The following CWC27 variants were observed in gnomAD, a reference collection of about 807,000 sequenced individuals.
CWC27 encodes spliceosome-associated protein CWC27 homolog.
Under a neutral mutation model 63.6 loss-of-function variants are expected in CWC27, and 47 were observed. The observed-to-expected ratio is 0.74, with a 90% CI of 0.58 to 0.94. The LOEUF (loss-of-function observed/expected upper bound fraction) is 0.94. Ranked by LOEUF, CWC27 falls within the 40% of genes least tolerant of loss-of-function variation. CWC27 has a pLI of 0.00. For missense variants in CWC27, 495 were observed against 554.3 expected (o/e 0.89, Z 1.07); for synonymous variants, 175 against 179.8 (o/e 0.97, Z 0.22).
chr5:64,939,248 C>A (rs915467860), intron 11 of CWC27, among the ~76,000 whole-genome samples: 4 of 152,156 alleles, frequency 2.6e-5, no homozygotes, highest in African/African-American at 9.7e-5. Context: ...CCTGGATTTA[C>A]CTACCTTTGG....
chr5:64,944,911 T>C (rs6896392), intron 11 of CWC27, among the ~76,000 whole-genome samples: 69,850 of 151,968 alleles, frequency 0.46, 16,253 homozygotes, highest in African/African-American at 0.5. Flanking sequence ...AAAGCCTCTA[T>C]GTTTGTCTAG....
intron 10 of CWC27, among the ~76,000 whole-genome samples, chr5:64,829,105 A>G (rs1001735822): frequency 3.9e-5 from 6 of 152,220 alleles, no homozygotes; most frequent in African/African-American, 1.4e-4. Flanking sequence ...GTATTATAAC[A>G]GGATAGTTAG....
chr5:64,879,955 C>A (rs1746896791), intron 10 of CWC27, among the ~76,000 whole-genome samples: 1 of 151,878 alleles, frequency 6.6e-6, no homozygotes, highest in Admixed American at 6.6e-5. Flanking sequence ...ATACAATAGC[C>A]AAATACCTTC....
intron 10 of CWC27, among the ~76,000 whole-genome samples, chr5:64,878,252 G>C (rs560125536): frequency 7.9e-5 from 12 of 151,616 alleles, no homozygotes; most frequent in African/African-American, 2.9e-4. Flanking sequence ...GCTATAAGTT[G>C]ACATTAGTTT....
intron 11 of CWC27, among the ~76,000 whole-genome samples, chr5:64,916,815 T>G (rs1747895844): frequency 6.6e-6 from 1 of 152,158 alleles, no homozygotes; most frequent in Admixed American, 6.6e-5. Flanking sequence ...CATTTGTTTA[T>G]TGCGAGGTTA....
chr5:64,799,361 G>A (rs2112202933), intron 7 of CWC27, among the ~76,000 whole-genome samples: 1 of 152,172 alleles, frequency 6.6e-6, no homozygotes, highest in Admixed American at 6.5e-5. Flanking sequence ...GCTGAGGCGG[G>A]CAGATCATGA....
At chr5:64,861,732 A>T (rs745392824) in intron 10 of CWC27, among the ~76,000 whole-genome samples, 1 of 152,162 alleles carries the variant, frequency 6.6e-6, no homozygotes, top group East Asian at 1.9e-4. Flanking sequence ...AGGTCCTTCT[A>T]TGTGCTTCCA....
Position 64,779,669 on chromosome 5 carries a change from C to G in CWC27, c.140-2252C>G, listed in dbSNP as rs10056734. Among the ~76,000 whole-genome samples the G allele has an allele frequency of 9.9e-3, 1,507 of 152,186 alleles. 33 individuals carry two copies. Among genetic ancestry groups the G allele is most frequent in the African/African-American group, 0.035 (1,451 of 41,522 alleles). ...AAAAGAAAACTCTGTATCCATTAAC[C>G]CAGTCATTCTCTATTCTCCCCTTGA... On this transcript the variant is annotated intron_variant, in intron 2 of 13. Coordinates refer to ENST00000381070, the MANE Select transcript of CWC27 (RefSeq NM_005869.4).
chr5:64,943,251 G>A (rs988165854), intron 11 of CWC27, among the ~76,000 whole-genome samples: 1 of 151,986 alleles, frequency 6.6e-6, no homozygotes, highest in Non-Finnish European at 1.5e-5. Flanking sequence ...AAAGATATAA[G>A]GATTTATAAC....
intron 10 of CWC27, among the ~76,000 whole-genome samples, chr5:64,847,876 G>A (rs113012873): frequency 0.018 from 2,715 of 151,726 alleles, 77 homozygotes; most frequent in African/African-American, 0.063. Flanking sequence ...TACAGCAAAA[G>A]CAGTTCTATG....
chr5:64,904,212 G>A (rs1332276043), intron 11 of CWC27, among the ~76,000 whole-genome samples: 1 of 152,010 alleles, frequency 6.6e-6, no homozygotes, highest in Non-Finnish European at 1.5e-5. Context: ...TTTTTCTTTA[G>A]GTCAGCACCC....
At chr5:64,894,219 C>T (rs922532659) in intron 11 of CWC27, among the ~76,000 whole-genome samples, 7 of 152,056 alleles carry the variant, frequency 4.6e-5, no homozygotes, top group African/African-American at 9.7e-5. Flanking sequence ...TGAGCCACCG[C>T]GCCTGGCCCC....
intron 13 of CWC27, among the ~76,000 whole-genome samples, chr5:65,012,331 G>A (rs1749976020): frequency 6.6e-6 from 1 of 152,162 alleles, no homozygotes; most frequent in Non-Finnish European, 1.5e-5. Context: ...TATGAAACAG[G>A]GGTGATAATA....
chr5:64,971,679 T>A lies in CWC27; in HGVS notation c.1043-24T>A, dbSNP rs753145560. ...CACAGAGCTATTTTACTGCTTATTC[T>A]AAAAATATTCTACTATTCTTTAGAG... is the stretch of plus-strand genomic sequence containing the variant. On this transcript the variant is annotated intron_variant, in intron 11 of 13. Transcript: ENST00000381070. 2.7e-5 allele frequency: 41 copies of A among 1,531,936 alleles called. No individual in the cohort carries two copies. The South Asian group carries it at 2.9e-4, about 11-fold the overall frequency. The allele number at this position is 1,531,936 out of a possible 1,614,324, so 94.9% of individuals were successfully genotyped here.
chr5:64,933,072 A>G (rs2112404315), intron 11 of CWC27, among the ~76,000 whole-genome samples: 1 of 152,212 alleles, frequency 6.6e-6, no homozygotes, highest in Non-Finnish European at 1.5e-5. Flanking sequence ...ATCCTCTATT[A>G]CTGCCTGTAT....
At chr5:64,917,321 C>T (rs1399411082) in intron 11 of CWC27, among the ~76,000 whole-genome samples, 1 of 152,152 alleles carries the variant, frequency 6.6e-6, no homozygotes, top group Admixed American at 6.6e-5. Flanking sequence ...CATTAGTTGG[C>T]ATATTTCCTT....
chr5:64,841,724 A>G (rs1745847697), intron 10 of CWC27, among the ~76,000 whole-genome samples: 1 of 152,126 alleles, frequency 6.6e-6, no homozygotes, highest in African/African-American at 2.4e-5. Flanking sequence ...TGCCCAGGCT[A>G]GAGTGCAATG....
chr5:64,996,523 A>G (rs901650113), intron 13 of CWC27, among the ~76,000 whole-genome samples: 1 of 152,180 alleles, frequency 6.6e-6, no homozygotes, highest in Admixed American at 6.5e-5. Context: ...CTTTAAACCT[A>G]TAAGCTAGAA....
intron 10 of CWC27, among the ~76,000 whole-genome samples, chr5:64,864,740 A>G (rs1746493973): frequency 6.6e-6 from 1 of 152,144 alleles, no homozygotes; most frequent in Admixed American, 6.6e-5. Context: ...TTTCGTCACT[A>G]AGAAATACAT....
Sources: gnomAD v4.1 joint callset for allele counts (sites outside exome capture counted in the v4.1 genomes callset) on GRCh38, gnomAD v4.1.1 for gene constraint, MANE v1.5 for transcripts, NCBI Gene and HGNC (gene_info 2026-07-23, HGNC 2026-07-21) for gene names.